Variants in ERBIN observed in about 807,000 individuals in gnomAD.
ERBIN encodes the protein erbb2 interacting protein.
ERBIN carries 60 observed loss-of-function variants against 158.4 expected under a neutral mutation model. The observed-to-expected ratio is 0.38, with a 90% CI of 0.31 to 0.47. The LOEUF is 0.47. Among genes scored for constraint, ERBIN ranks in the 20% least tolerant of loss-of-function variants. The pLI is 0.99. For missense variants in ERBIN, 1,610 were observed against 1,648.0 expected, an observed-to-expected ratio of 0.98 and a Z score of 0.40; for synonymous variants, 594 against 557.2, an observed-to-expected ratio of 1.07 and a Z score of -0.93.
chr5:66,063,642 G>A (rs1049794046), intron 21 of ERBIN, among the ~76,000 whole-genome samples: 1 of 152,154 alleles, frequency 6.6e-6, no homozygotes, highest in Non-Finnish European at 1.5e-5. Context: ...CACGCTGGGA[G>A]CTGTAGACTG....
At chr5:65,997,566 CA>C in intron 4 of ERBIN, among the ~76,000 whole-genome samples, 1 of 151,922 alleles carries the variant, frequency 6.6e-6, no homozygotes, top group Non-Finnish European at 1.5e-5. Context: ...TTTATAATTA[CA>C]AAAAAGAAAG....
At chr5:66,024,074 T>G (rs1410705171) in intron 9 of ERBIN, among the ~76,000 whole-genome samples, 1 of 152,182 alleles carries the variant, frequency 6.6e-6, no homozygotes, top group Non-Finnish European at 1.5e-5. Context: ...AATGGATACC[T>G]GAATTCCCAA....
At chr5:66,057,056 G>C (rs575586076) in intron 21 of ERBIN, among the ~76,000 whole-genome samples, 50 of 152,092 alleles carry the variant, frequency 3.3e-4, no homozygotes, top group Non-Finnish European at 6.5e-4. Flanking sequence ...TATCTTAAAT[G>C]GATTCATGTT....
At chr5:65,957,424 A>C (rs568776255) in intron 1 of ERBIN, among the ~76,000 whole-genome samples, 147 of 152,160 alleles carry the variant, frequency 9.7e-4, no homozygotes, top group African/African-American at 2.6e-3. Context: ...ATGACTCTTA[A>C]CGAGCATGCT....
intron 1 of ERBIN, among the ~76,000 whole-genome samples, chr5:65,950,109 G>C (rs1200840281): frequency 6.6e-6 from 1 of 152,172 alleles, no homozygotes; most frequent in East Asian, 1.9e-4. Flanking sequence ...AGGTTCAAGG[G>C]ATTCTCCTGC....
rs141145356 is a variant in ERBIN, at chr5:66,053,890, C to G, written c.2572C>G (p.Pro858Ala). Residue 858 changes from proline (P) to alanine (A), a missense_variant, in exon 21 of 26, where the codon CCT (proline) becomes GCT (alanine). Physicochemically the swap from Pro to Ala is conservative, Grantham distance 27 (BLOSUM62 -1). Around this residue, in one of 2 missense-constraint regions of ERBIN, gnomAD observed 1,014 missense variants for 936.1 expected, o/e 1.08. Coordinates refer to ENST00000284037, the MANE Select transcript of ERBIN (RefSeq NM_001253697.2). ...TTCCAAAAGCACTGAAGATCTCTCC[C>G]CTCAGAAAAGTGGTCCAGTTGGATC... ...GISKSTEDLS[P>A]QKSGPVGSVV... 2 of 1,613,966 alleles carry G rather than the reference C, an allele frequency of 1.2e-6. No homozygotes were observed. The highest frequency in any genetic ancestry group is 2.7e-5 in the African/African-American group (2 of 74,920).
At chr5:66,033,092 C>T (rs775081134) in intron 14 of ERBIN, among the ~76,000 whole-genome samples, 61 of 152,252 alleles carry the variant, frequency 4.0e-4, no homozygotes, top group Admixed American at 1.0e-3. Flanking sequence ...CTTGGTTTCT[C>T]TATTTAAAAA....
chr5:65,944,697 G>A (rs1353350885), intron 1 of ERBIN, among the ~76,000 whole-genome samples: 1 of 152,114 alleles, frequency 6.6e-6, no homozygotes, highest in East Asian at 1.9e-4. Context: ...CACTATACCT[G>A]GCCTTATTAT....
intron 24 of ERBIN, 198 bp from the exon 25 acceptor site, chr5:66,076,672 TTATTA>T (rs531871060): frequency 2.9e-4 from 175 of 601,698 alleles, no homozygotes; most frequent in Non-Finnish European, 4.5e-4. Flanking sequence ...AAAAGTAATT[TTATTA>T]CTCTCAAGAG....
At chr5:65,954,602 T>A (rs752389616) in intron 1 of ERBIN, among the ~76,000 whole-genome samples, 1 of 152,212 alleles carries the variant, frequency 6.6e-6, no homozygotes, top group South Asian at 2.1e-4. Flanking sequence ...GTTTCTTTTT[T>A]GTTAATTTGC....
intron 1 of ERBIN, among the ~76,000 whole-genome samples, chr5:65,979,603 G>A (rs1750425079): frequency 6.6e-6 from 1 of 152,158 alleles, no homozygotes; most frequent in South Asian, 2.1e-4. Context: ...GCAATTGGCA[G>A]GATAATATAT....
In ERBIN at chr5:66,053,995, C is replaced by T. The variant is rs1365601283; in HGVS notation, c.2677C>T (p.Gln893Ter). 1 of 1,614,110 alleles carries T rather than the reference C, an allele frequency of 6.2e-7. No individual in the cohort carries two copies. The highest frequency in any genetic ancestry group is 8.5e-7 in the Non-Finnish European group (1 of 1,180,008). Residue 893 changes from glutamine (Q) to a stop codon, truncating the protein, a stop_gained, in exon 21 of 26, where the codon CAG becomes TAG. Coordinates refer to ENST00000284037, the MANE Select transcript of ERBIN (RefSeq NM_001253697.2). LOFTEE classifies it high-confidence loss of function. ...TGATATTCTTAGTGATAATGGACCT[C>T]AGCAGCCAAGTACAACCGTTAAAAT... ...IYDILSDNGP[Q>*]QPSTTVKITS...
At position 65,986,593 on chromosome 5, in the gene ERBIN, A is replaced by G. The variant is rs185745995; in HGVS notation, c.-57-2042A>G. On this transcript the variant is annotated intron_variant, in intron 1 of 25. Coordinates refer to ENST00000284037, the MANE Select transcript of ERBIN (RefSeq NM_001253697.2). ...AAACACATAAATGGATATTACTCTCAGTTTTTAAGAAAAAGATGATTTATG... is the reference window on the plus strand; with the variant it reads ...AAACACATAAATGGATATTACTCTCGGTTTTTAAGAAAAAGATGATTTATG... 2.1e-3 allele frequency among the ~76,000 whole-genome samples: 327 copies of G among 152,356 alleles called. 2 individuals are homozygous for G. The highest frequency in any genetic ancestry group is 7.7e-3 in the African/African-American group (321 of 41,588).
At chr5:65,934,257 T>A (rs1359789822) in intron 1 of ERBIN, among the ~76,000 whole-genome samples, 1 of 152,218 alleles carries the variant, frequency 6.6e-6, no homozygotes, top group Non-Finnish European at 1.5e-5. Context: ...CTGCATATAA[T>A]GACATCATTA....
intron 21 of ERBIN, among the ~76,000 whole-genome samples, chr5:66,065,904 A>T (rs1323892042): frequency 6.6e-6 from 1 of 152,032 alleles, no homozygotes; most frequent in Non-Finnish European, 1.5e-5. Context: ...GGTTCTTTTG[A>T]GTTGTCTGAG....
At position 65,965,409 on chromosome 5, in the gene ERBIN, T is replaced by G. The variant is rs75654433; in HGVS notation, c.-57-23226T>G. ...TTTTTTTTTTTTTTTTTTTTTTTTT[T>G]TTTTTTTTTTTTTTGAGACGGAGTC... On this transcript the variant is annotated intron_variant, in intron 1 of 25. Transcript: ENST00000284037. Among the ~76,000 whole-genome samples the G allele has an allele frequency of 2.6e-4, 22 of 83,600 alleles. 1 individual carries two copies. Among genetic ancestry groups the G allele is most frequent in the East Asian group, 5.9e-4 (2 of 3,390 alleles). The allele number at this position is 83,600 out of a possible 152,430, so 54.8% of individuals were successfully genotyped here. A position where few individuals can be genotyped will look rare whatever the true frequency, so the allele number is the denominator to read the frequency against.
intron 1 of ERBIN, among the ~76,000 whole-genome samples, chr5:65,975,469 C>A (rs1749752075): frequency 6.6e-6 from 1 of 152,068 alleles, no homozygotes. Context: ...TCACGCCTGG[C>A]TAATTTTTGC....
At chr5:65,937,765 G>C (rs251322) in intron 1 of ERBIN, among the ~76,000 whole-genome samples, 123,855 of 152,082 alleles carry the variant, frequency 0.81, 50,952 homozygotes, top group Non-Finnish European at 0.86. Context: ...AAAAATTAGC[G>C]GGGTGTGGTA....
intron 17 of ERBIN, among the ~76,000 whole-genome samples, chr5:66,045,315 A>G (rs946180406): frequency 6.6e-6 from 1 of 152,154 alleles, no homozygotes; most frequent in East Asian, 1.9e-4. Context: ...TGCATACACA[A>G]ATACTTTCTA....
Sources: allele counts gnomAD v4.1 joint callset (sites outside exome capture counted in the v4.1 genomes callset), GRCh38; gene constraint gnomAD v4.1.1; regional missense constraint gnomAD v4.1.1; transcripts MANE v1.5; gene names NCBI Gene and HGNC (gene_info 2026-07-23, HGNC 2026-07-21).